The following ZNF99 variants were observed in gnomAD, a reference collection of about 807,000 sequenced individuals.
The protein encoded by ZNF99 is zinc finger protein ENSP00000375192.
A neutral mutation model predicts 12.8 loss-of-function variants in ZNF99; 8 were observed. The ratio of observed to expected loss-of-function variants is 0.62; its 90% CI spans 0.37 to 1.13. ZNF99 has a LOEUF of 1.13. Among genes scored for constraint, ZNF99 ranks in the 50% most tolerant of loss-of-function variants. The pLI is 0.02. For synonymous variants in ZNF99, 318 were observed against 319.0 expected, an observed-to-expected ratio of 1.00 and a Z score of 0.03; for missense variants, 1,007 against 1,006.2, an observed-to-expected ratio of 1.00 and a Z score of -0.01.
intron 3 of ZNF99, among the ~76,000 whole-genome samples, chr19:22,763,124 G>A (rs1428397075): frequency 6.6e-6 from 1 of 151,962 alleles, no homozygotes; most frequent in African/African-American, 2.4e-5. Flanking sequence ...AGTACTGGAA[G>A]TCTTATCCAG....
At chr19:22,783,846 C>T (rs1282256992) in intron 1 of ZNF99, among the ~76,000 whole-genome samples, 168 bp downstream of exon 1, 3 of 152,132 alleles carry the variant, frequency 2.0e-5, no homozygotes, top group African/African-American at 7.2e-5. Flanking sequence ...CCGCAGTCAG[C>T]GCAGCCGCCA....
At position 22,757,800 on chromosome 19, in the gene ZNF99, T is replaced by C; in HGVS notation, c.2109A>G (p.Lys703=). ...RKHKIIHTGK[K]PYKCEECGKA... is the part of the protein sequence containing the mutation. ...TGCCACATTCTTCACATTTGTAGGG[T>C]TTCTTTCCAGTATGAATTATCTTAT... is the stretch of plus-strand genomic sequence containing the variant. Residue 703 remains lysine (K), a synonymous_variant, in exon 4 of 4, where the codon AAA becomes AAG. Transcript: ENST00000596209. 4 of 1,612,776 alleles carry C rather than the reference T, an allele frequency of 2.5e-6. No individual in the cohort carries two copies. Among genetic ancestry groups the C allele is most frequent in the Non-Finnish European group, 3.4e-6 (4 of 1,179,650 alleles).
In ZNF99 at chr19:22,756,836, G is replaced by C. The variant is rs1276690765; in HGVS notation, c.*478C>G. 62 of 1,610,878 alleles carry C rather than the reference G, an allele frequency of 3.8e-5. No homozygotes were observed. Among genetic ancestry groups the C allele is most frequent in the Non-Finnish European group, 4.9e-5 (58 of 1,178,516 alleles). On this transcript the variant is annotated 3_prime_UTR_variant, in exon 4 of 4. Transcript: ENST00000596209. ...TTATCTCATGTTTTCTAAGGGCTGA[G>C]AAATGCTTAAAAGCTTTGCCACATT...
rs1014997743 is a variant in ZNF99, at chr19:22,784,120, C to T, written c.-104G>A. The T allele has an allele frequency of 3.7e-6, 5 of 1,346,814 alleles. No individual in the cohort carries two copies. The highest frequency in any genetic ancestry group is 5.2e-6 in the Non-Finnish European group (5 of 965,436). 83.4% of individuals were successfully genotyped at this position (1,346,814 alleles called of 1,614,324 possible). A position where few individuals can be genotyped will look rare whatever the true frequency, so the allele number is the denominator to read the frequency against. ...GGACACAGAGCAGTAAAAACGAGAT[C>T]CGGAGCTCCAGCTGGAACCAGAAAC... On this transcript the variant is annotated 5_prime_UTR_variant, in exon 1 of 4. Coordinates refer to ENST00000596209, the MANE Select transcript of ZNF99 (RefSeq NM_001080409.3).
chr19:22,761,151 T>C (rs1973147087), intron 3 of ZNF99, among the ~76,000 whole-genome samples: 1 of 151,956 alleles, frequency 6.6e-6, no homozygotes, highest in African/African-American at 2.4e-5. Flanking sequence ...ATAAATTAAT[T>C]TTTAAAATTT....
intron 1 of ZNF99, among the ~76,000 whole-genome samples, chr19:22,775,051 TA>T (rs1405921014): frequency 6.6e-6 from 1 of 152,056 alleles, no homozygotes; most frequent in Non-Finnish European, 1.5e-5. Context: ...AACAGAACTA[TA>T]AAAAACTATT....
At chr19:22,776,315 C>T (rs1288794095) in intron 1 of ZNF99, among the ~76,000 whole-genome samples, 1 of 144,492 alleles carries the variant, frequency 6.9e-6, no homozygotes, top group East Asian at 2.1e-4. Flanking sequence ...TATGCCACTG[C>T]GCTTTAGCTT....
At chr19:22,777,441 T>C (rs1398738970) in intron 1 of ZNF99, among the ~76,000 whole-genome samples, 5 of 152,158 alleles carry the variant, frequency 3.3e-5, no homozygotes, top group Admixed American at 6.5e-5. Flanking sequence ...CTGTGCTTAA[T>C]ACCTCAGTGA....
intron 1 of ZNF99, among the ~76,000 whole-genome samples, chr19:22,781,825 C>T (rs1163432088): frequency 6.6e-6 from 1 of 152,026 alleles, no homozygotes; most frequent in African/African-American, 2.4e-5. Flanking sequence ...AGCTAATTCC[C>T]AGACAGTACT....
chr19:22,770,344 A>G (rs1045853685), intron 1 of ZNF99: 2 of 152,278 alleles, frequency 1.3e-5, no homozygotes, highest in Non-Finnish European at 2.9e-5. Flanking sequence ...TCTATACTGA[A>G]AAAACCTGTC....
At chr19:22,771,639 G>A (rs187851785) in intron 1 of ZNF99, among the ~76,000 whole-genome samples, 143 of 150,186 alleles carry the variant, frequency 9.5e-4, no homozygotes, top group African/African-American at 3.4e-3. Context: ...TACTTTTTCC[G>A]TAAGGACCCC....
chr19:22,783,944 C>T, intron 1 of ZNF99, 70 bp downstream of exon 1: 1 of 1,606,694 alleles, frequency 6.2e-7, no homozygotes. Context: ...CTGAGTCCCG[C>T]CACAGCCACT....
In ZNF99 at chr19:22,758,281, C is replaced by A. The variant is rs553302869; in HGVS notation, c.1628G>T (p.Gly543Val). ...GGTTGAGGAATTGTTAAAAGCTTTG[C>A]CACATTCTTCACATTTGTAGGGTTT... ...GKKPYKCEEC[G>V]KAFNNSSTLM... The change falls in exon 4 of 4, where the codon GGC becomes GTC. Residue 543 changes from glycine (G) to valine (V), a missense_variant. By Grantham distance (109) the Gly-to-Val change is moderately radical. Coordinates refer to ENST00000596209, the MANE Select transcript of ZNF99 (RefSeq NM_001080409.3). The A allele has an allele frequency of 4.9e-4, 789 of 1,609,584 alleles. 9 individuals are homozygous for A. The South Asian group carries it at 6.9e-3, about 14-fold the overall frequency.
chr19:22,770,561 T>C (rs1973256939), intron 1 of ZNF99: 1 of 152,406 alleles, frequency 6.6e-6, no homozygotes, highest in Admixed American at 6.5e-5. Context: ...TTCACCATCT[T>C]GGCCAGGCTG....
At chr19:22,765,534 G>A (rs1973194469) in intron 3 of ZNF99, among the ~76,000 whole-genome samples, 1 of 150,806 alleles carries the variant, frequency 6.6e-6, no homozygotes, top group African/African-American at 2.4e-5. Context: ...ACTTGAAGAC[G>A]AAAAAAAAGA....
chr19:22,777,840 G>C (rs2145159043), intron 1 of ZNF99, among the ~76,000 whole-genome samples: 1 of 152,188 alleles, frequency 6.6e-6, no homozygotes, highest in South Asian at 2.1e-4. Context: ...CTAGTTCTAA[G>C]AGGGGTGTGG....
chr19:22,758,515 A>T lies in ZNF99; in HGVS notation c.1394T>A (p.Phe465Tyr). 1 of 1,610,006 alleles carries T rather than the reference A, an allele frequency of 6.2e-7. No homozygotes were observed. Among genetic ancestry groups the T allele is most frequent in the Non-Finnish European group, 8.5e-7 (1 of 1,178,972 alleles). ...CEECSKAFSN[F>Y]SALRKHEIIH... ...TATCTCATGTTTTCTAAGGGCTGAAAAATTGCTAAAAGCTTTGCTGCATTC... is the reference window on the plus strand; with the variant it reads ...TATCTCATGTTTTCTAAGGGCTGAATAATTGCTAAAAGCTTTGCTGCATTC... Residue 465 changes from phenylalanine (F) to tyrosine (Y), a missense_variant, in exon 4 of 4, where the codon TTT becomes TAT. Phe to Tyr is a conservative substitution (Grantham distance 22). Transcript: ENST00000596209.
chr19:22,758,927 G>A lies in ZNF99; in HGVS notation c.982C>T (p.Leu328Phe). Residue 328 changes from leucine to phenylalanine, a missense_variant, in exon 4 of 4, where the codon CTT (leucine) becomes TTT (phenylalanine). Coordinates refer to ENST00000596209, the MANE Select transcript of ZNF99 (RefSeq NM_001080409.3). The stretch of plus-strand genomic sequence containing the variant: ...GTATGAATTATCTGATGTTTTCTAA[G>A]GGCTGAGAAATGGTTAAAAGCTTTG... ...CGKAFNHFSA[L>F]RKHQIIHTGK... 1 of 1,613,596 alleles carries A rather than the reference G, an allele frequency of 6.2e-7. No individual in the cohort carries two copies. Among genetic ancestry groups the A allele is most frequent in the Non-Finnish European group, 8.5e-7 (1 of 1,179,864 alleles).
intron 3 of ZNF99, among the ~76,000 whole-genome samples, chr19:22,763,392 G>GA (rs61236649): frequency 3.9e-4 from 56 of 143,482 alleles, no homozygotes; most frequent in African/African-American, 6.9e-4. Flanking sequence ...ATAGCTGTGA[G>GA]AAAAAAAAAA....
Sources: gnomAD v4.1 joint callset for allele counts (sites outside exome capture counted in the v4.1 genomes callset) on GRCh38, gnomAD v4.1.1 for gene constraint, MANE v1.5 for transcripts, NCBI Gene and HGNC (gene_info 2026-07-23, HGNC 2026-07-21) for gene names.